The following INPP4B variants were observed in gnomAD, a reference collection of about 807,000 sequenced individuals.
The protein encoded by INPP4B is inositol polyphosphate 4-phosphatase type II.
Under a neutral mutation model 122.5 loss-of-function variants are expected in INPP4B, and 55 were observed. The ratio of observed to expected loss-of-function variants is 0.45; its 90% confidence interval spans 0.36 to 0.56. The LOEUF (loss-of-function observed/expected upper bound fraction) is 0.56, where lower values mean the gene tolerates loss of function less well. Ranked by LOEUF, INPP4B falls within the 20% of genes least tolerant of loss-of-function variation. The probability of loss-of-function intolerance (pLI) is 0.00; values close to 1 mark genes in which losing one functional copy is unlikely to be tolerated. For missense variants in INPP4B, 1,000 were observed against 1,097.7 expected (o/e 0.91, Z 1.26); for synonymous variants, 403 against 388.7 (o/e 1.04, Z -0.43).
At chr4:142,208,190 G>A (rs1388749394) in intron 14 of INPP4B, among the ~76,000 whole-genome samples, 1 of 152,040 alleles carries the variant, frequency 6.6e-6, no homozygotes, top group Non-Finnish European at 1.5e-5. Flanking sequence ...TACTCAGTTT[G>A]CATTTTCATC....
intron 7 of INPP4B, chr4:142,317,236 A>G (rs1457683469): frequency 3.1e-6 from 1 of 321,080 alleles, no homozygotes; most frequent in Non-Finnish European, 6.3e-6. Flanking sequence ...AGGATTTGAA[A>G]TATGGCAGAT....
chr4:142,796,622 A>G (rs920893277), intron 1 of INPP4B, among the ~76,000 whole-genome samples: 1 of 151,480 alleles, frequency 6.6e-6, no homozygotes. Context: ...GCAGCTTAAC[A>G]TTTATATTCT....
intron 17 of INPP4B, among the ~76,000 whole-genome samples, chr4:142,159,690 T>TTATTACTGAA (rs1297395488): frequency 6.6e-6 from 1 of 152,072 alleles, no homozygotes; most frequent in East Asian, 1.9e-4. Flanking sequence ...TATGTATCGA[T>TTATTACTGAA]TCAGTAATAA....
In INPP4B at chr4:142,062,954, C is replaced by T. The variant is rs568226848; in HGVS notation, c.2642+19077G>A. 7.4e-4 allele frequency among the ~76,000 whole-genome samples: 113 copies of T among 152,210 alleles called. 1 individual carries two copies. The highest frequency in any genetic ancestry group is 2.6e-3 in the African/African-American group (107 of 41,530). ...TGGGGAAATATGTTAACTACACTTT[C>T]GTAGGCACTTCAATATAATTTTTGT... is the stretch of plus-strand genomic sequence containing the variant. On this transcript the variant is annotated intron_variant, in intron 25 of 25. Transcript: ENST00000262992.
chr4:142,035,253 C>T (rs1743113591), intron 25 of INPP4B, among the ~76,000 whole-genome samples: 1 of 152,126 alleles, frequency 6.6e-6, no homozygotes, highest in Non-Finnish European at 1.5e-5. Flanking sequence ...TTTGATTTGT[C>T]TCTTCAAGCC....
rs772822819 is a variant in INPP4B, at chr4:142,108,081, T to G, written c.2374+12A>C. 2 of 1,341,310 alleles carry G rather than the reference T, an allele frequency of 1.5e-6. No individual in the cohort carries two copies. Among genetic ancestry groups the G allele is most frequent in the East Asian group, 4.6e-5 (2 of 43,410 alleles). 83.1% of individuals were successfully genotyped at this position (1,341,310 alleles called of 1,614,324 possible). On this transcript the variant is annotated intron_variant, in intron 23 of 25. Coordinates refer to ENST00000262992, the MANE Select transcript of INPP4B (RefSeq NM_001101669.3). ...AGCTATTATTGCTGTCTTCTCTAAC[T>G]CACATACTTACAATCAGGAGGCATC...
At chr4:142,618,162 C>G (rs143747514) in intron 2 of INPP4B, among the ~76,000 whole-genome samples, 6 of 151,880 alleles carry the variant, frequency 4.0e-5, no homozygotes, top group Admixed American at 3.3e-4. Flanking sequence ...ATTACTCAAA[C>G]TGATTTACAG....
At chr4:142,336,812 C>A (rs1776782346) in intron 7 of INPP4B, among the ~76,000 whole-genome samples, 1 of 152,198 alleles carries the variant, frequency 6.6e-6, no homozygotes, top group South Asian at 2.1e-4. Flanking sequence ...ACAGAGATTT[C>A]TGGTTGGCCA....
intron 1 of INPP4B, among the ~76,000 whole-genome samples, chr4:142,828,138 T>G (rs1020112225): frequency 6.6e-6 from 1 of 151,770 alleles, no homozygotes; most frequent in African/African-American, 2.4e-5. Context: ...TCACAAGAAA[T>G]TAAAGAAAAT....
chr4:142,268,498 C>T (rs1309537206), intron 10 of INPP4B, among the ~76,000 whole-genome samples: 2 of 151,564 alleles, frequency 1.3e-5, no homozygotes, highest in Non-Finnish European at 2.9e-5. Context: ...ACCCAGCAAT[C>T]CCACTCTGGG....
intron 2 of INPP4B, among the ~76,000 whole-genome samples, chr4:142,501,701 A>T (rs1823394104): frequency 6.6e-6 from 1 of 152,168 alleles, no homozygotes; most frequent in Non-Finnish European, 1.5e-5. Context: ...AAAAAAATCT[A>T]AATAAGCAAT....
chr4:142,638,577 T>C (rs1471472704), intron 2 of INPP4B, among the ~76,000 whole-genome samples: 1 of 141,212 alleles, frequency 7.1e-6, no homozygotes. Flanking sequence ...GGAGTCTCAC[T>C]CTGTCACCCA....
chr4:142,576,445 C>A (rs1580408209), intron 2 of INPP4B, among the ~76,000 whole-genome samples: 1 of 151,528 alleles, frequency 6.6e-6, no homozygotes, highest in East Asian at 1.9e-4. Flanking sequence ...TTTTTCCTAA[C>A]ATGTTTTTTA....
At chr4:142,393,895 C>A (rs186106394) in intron 7 of INPP4B, among the ~76,000 whole-genome samples, 298 of 152,358 alleles carry the variant, frequency 2.0e-3, no homozygotes, top group African/African-American at 6.9e-3. Context: ...ACTGGAATCT[C>A]TGAATCTGCT....
chr4:142,325,859 G>A (rs1561855320), intron 7 of INPP4B, among the ~76,000 whole-genome samples: 1 of 152,144 alleles, frequency 6.6e-6, no homozygotes, highest in Non-Finnish European at 1.5e-5. Context: ...ATATAATTCT[G>A]AGTATCCCTG....
chr4:142,484,681 G>T (rs1383544806), intron 2 of INPP4B, among the ~76,000 whole-genome samples: 1 of 152,064 alleles, frequency 6.6e-6, no homozygotes, highest in Non-Finnish European at 1.5e-5. Flanking sequence ...TGTCATGGGA[G>T]TTTGTTGTAC....
At chr4:142,701,714 T>C (rs1415755872) in intron 2 of INPP4B, among the ~76,000 whole-genome samples, 2 of 152,070 alleles carry the variant, frequency 1.3e-5, no homozygotes, top group African/African-American at 4.8e-5. Flanking sequence ...TTAGTACCTC[T>C]ACCTTGATGT....
At chr4:142,290,165 C>T (rs1458420249) in intron 9 of INPP4B, among the ~76,000 whole-genome samples, 2 of 143,452 alleles carry the variant, frequency 1.4e-5, no homozygotes, top group Non-Finnish European at 3.0e-5. Context: ...ACCTGGAACT[C>T]ATCACCACCT....
At chr4:142,036,753 G>A (rs1744226613) in intron 25 of INPP4B, among the ~76,000 whole-genome samples, 1 of 152,134 alleles carries the variant, frequency 6.6e-6, no homozygotes, top group Non-Finnish European at 1.5e-5. Flanking sequence ...TATTAAAGAT[G>A]TCTCACATGT....
Sources: allele counts gnomAD v4.1 joint callset (sites outside exome capture counted in the v4.1 genomes callset), GRCh38; gene constraint gnomAD v4.1.1; transcripts MANE v1.5; gene names NCBI Gene and HGNC (gene_info 2026-07-23, HGNC 2026-07-21).